Variants in ULK4 observed in about 807,000 individuals in gnomAD.
ULK4 encodes the protein unc-51 like kinase 4.
Under a neutral mutation model 160.6 loss-of-function variants are expected in ULK4, and 133 were observed. That is an observed-to-expected ratio of 0.83 (90% CI 0.72 to 0.96). The LOEUF (loss-of-function observed/expected upper bound fraction) is 0.96. Ranked by LOEUF, ULK4 falls within the 40% of genes least tolerant of loss-of-function variation. The pLI is 0.00. For synonymous variants in ULK4, 534 were observed against 539.8 expected, an observed-to-expected ratio of 0.99 and a Z score of 0.15; for missense variants, 1,580 against 1,499.5, an observed-to-expected ratio of 1.05 and a Z score of -0.89.
intron 22 of ULK4, among the ~76,000 whole-genome samples, chr3:41,720,226 C>G (rs183881167): frequency 6.6e-6 from 1 of 152,324 alleles, no homozygotes; most frequent in East Asian, 1.9e-4. Context: ...CCTTCCACTT[C>G]TGCGCACAGT....
At chr3:41,408,895 G>A (rs2082352544) in intron 34 of ULK4, among the ~76,000 whole-genome samples, 1 of 152,022 alleles carries the variant, frequency 6.6e-6, no homozygotes, top group Admixed American at 6.6e-5. Flanking sequence ...GAGACAACTG[G>A]ACATATAAAA....
At chr3:41,736,215 G>T (rs1251491780) in intron 22 of ULK4, among the ~76,000 whole-genome samples, 1 of 151,622 alleles carries the variant, frequency 6.6e-6, no homozygotes, top group African/African-American at 2.4e-5. Context: ...CCAGTAATGG[G>T]ATGGCTGGGT....
intron 35 of ULK4, among the ~76,000 whole-genome samples, chr3:41,390,164 T>G (rs1190805777): frequency 6.6e-6 from 1 of 152,166 alleles, no homozygotes; most frequent in Non-Finnish European, 1.5e-5. Flanking sequence ...TGCTTAGAGG[T>G]ATTTATAGTA....
intron 34 of ULK4, among the ~76,000 whole-genome samples, chr3:41,427,326 C>T (rs1401033764): frequency 6.6e-6 from 1 of 150,790 alleles, no homozygotes; most frequent in Non-Finnish European, 1.5e-5. Context: ...CTGAATTCTA[C>T]CAGAGGTACA....
chr3:41,792,269 ATT>A (rs1311187306), intron 20 of ULK4, among the ~76,000 whole-genome samples: 1 of 152,170 alleles, frequency 6.6e-6, no homozygotes, highest in Non-Finnish European at 1.5e-5. Context: ...TGATTTTAAA[ATT>A]TTGAGAGGTA....
intron 34 of ULK4, 68 bp from the exon 35 acceptor site, chr3:41,398,332 G>C (rs2082108968): frequency 3.2e-6 from 5 of 1,540,784 alleles, no homozygotes; most frequent in Non-Finnish European, 4.4e-6. Context: ...AAAAAACACA[G>C]TAAAATTTGG....
At chr3:41,794,158 G>A (rs2040226090) in intron 20 of ULK4, among the ~76,000 whole-genome samples, 1 of 152,068 alleles carries the variant, frequency 6.6e-6, no homozygotes, top group Non-Finnish European at 1.5e-5. Context: ...GAGATCATTA[G>A]GAGAAACAGG....
At chr3:41,564,891 C>G (rs531495353) in intron 32 of ULK4, among the ~76,000 whole-genome samples, 1 of 152,324 alleles carries the variant, frequency 6.6e-6, no homozygotes, top group East Asian at 1.9e-4. Context: ...CTCAGGGCAA[C>G]TTTCAGTCCT....
intron 16 of ULK4, among the ~76,000 whole-genome samples, chr3:41,894,463 C>A (rs746079475): frequency 5.3e-5 from 8 of 152,116 alleles, no homozygotes; most frequent in African/African-American, 9.7e-5. Context: ...CATACCAGTG[C>A]CACAATCCAC....
rs536429656 is a variant in ULK4, at chr3:41,575,128, G to A, written c.3121-8998C>T. On this transcript the variant is annotated intron_variant, in intron 31 of 36. Coordinates refer to ENST00000301831, the MANE Select transcript of ULK4 (RefSeq NM_017886.4). The stretch of plus-strand genomic sequence containing the variant: ...CTCATGGCTTTTTGTACCAAATACT[G>A]ACCCCTAAGGGTGAGAAACAGGGAA... 2.6e-5 allele frequency among the ~76,000 whole-genome samples: 4 copies of A among 152,314 alleles called. No homozygotes were observed. The South Asian group carries it at 8.3e-4, about 32-fold the overall frequency.
At chr3:41,481,236 C>T (rs1049975612) in intron 32 of ULK4, among the ~76,000 whole-genome samples, 3 of 152,150 alleles carry the variant, frequency 2.0e-5, no homozygotes, top group African/African-American at 7.2e-5. Context: ...CATATTACCA[C>T]ATTTTTAACA....
At chr3:41,320,495 G>A (rs1186171311) in intron 35 of ULK4, among the ~76,000 whole-genome samples, 13 of 152,252 alleles carry the variant, frequency 8.5e-5, no homozygotes, top group East Asian at 7.7e-4. Flanking sequence ...GGAAGCCACC[G>A]AACTTGCCCG....
chr3:41,805,175 G>T (rs1408025297), intron 19 of ULK4, among the ~76,000 whole-genome samples: 2 of 152,112 alleles, frequency 1.3e-5, no homozygotes, highest in African/African-American at 4.8e-5. Context: ...TTGGTTTCTA[G>T]TTCTCCTTGA....
At chr3:41,895,603 TAAAA>T (rs1340450451) in intron 15 of ULK4, 39 bp from the exon 16 acceptor site, 13 of 1,323,628 alleles carry the variant, frequency 9.8e-6, no homozygotes, top group Non-Finnish European at 1.1e-5. Context: ...AAGAAAAAAT[TAAAA>T]TGTTTAAGTC....
At chr3:41,423,036 A>T (rs879611471) in intron 34 of ULK4, among the ~76,000 whole-genome samples, 4 of 152,232 alleles carry the variant, frequency 2.6e-5, no homozygotes, top group Non-Finnish European at 4.4e-5. Context: ...CTTGGAAAAG[A>T]TGTCCATAAT....
chr3:41,526,925 A>C (rs1035954013), intron 32 of ULK4, among the ~76,000 whole-genome samples: 5 of 152,202 alleles, frequency 3.3e-5, no homozygotes, highest in Non-Finnish European at 1.5e-5. Context: ...GGAACATTTG[A>C]GAAAGTCTAA....
intron 25 of ULK4, among the ~76,000 whole-genome samples, chr3:41,706,197 A>G (rs1575589762): frequency 6.6e-6 from 1 of 152,056 alleles, no homozygotes; most frequent in East Asian, 1.9e-4. Flanking sequence ...TCAGCTCCCC[A>G]GATGAATGAG....
chr3:41,661,038 T>C (rs2035134619), intron 30 of ULK4, among the ~76,000 whole-genome samples: 1 of 152,196 alleles, frequency 6.6e-6, no homozygotes, highest in Non-Finnish European at 1.5e-5. Context: ...TTAAAATTAT[T>C]TGCCTTAGTA....
chr3:41,554,425 C>A (rs2087206945), intron 32 of ULK4, among the ~76,000 whole-genome samples: 1 of 152,044 alleles, frequency 6.6e-6, no homozygotes, highest in Non-Finnish European at 1.5e-5. Context: ...AGGTGGAAGT[C>A]ACCATGTTAA....
Sources: allele counts gnomAD v4.1 joint callset (sites outside exome capture counted in the v4.1 genomes callset), GRCh38; gene constraint gnomAD v4.1.1; transcripts MANE v1.5; gene names NCBI Gene and HGNC (gene_info 2026-07-23, HGNC 2026-07-21).